Variants in ZC3H7A observed in about 807,000 individuals in gnomAD.
ZC3H7A encodes the protein zinc finger CCCH domain-containing protein 7A.
ZC3H7A carries 44 observed loss-of-function variants against 125.5 expected under a neutral mutation model. The observed-to-expected ratio is 0.35, with a 90% CI of 0.28 to 0.45. The LOEUF is 0.45. Among genes scored for constraint, ZC3H7A ranks in the 20% least tolerant of loss-of-function variants. The probability of loss-of-function intolerance (pLI) is 1.00; values close to 1 mark genes in which losing one functional copy is unlikely to be tolerated. For missense variants in ZC3H7A, 977 were observed against 1,170.7 expected (o/e 0.83, Z 2.41); for synonymous variants, 399 against 391.2 (o/e 1.02, Z -0.23).
intron 1 of ZC3H7A, among the ~76,000 whole-genome samples, chr16:11,795,954 T>A (rs1046038330): frequency 4.6e-5 from 7 of 151,928 alleles, no homozygotes; most frequent in Admixed American, 3.9e-4. Flanking sequence ...CACCTCAGCT[T>A]CCCGAGTAGC....
rs2052548816 is a variant in ZC3H7A, at chr16:11,751,260, A to G, written c.*57T>C. On this transcript the variant is annotated 3_prime_UTR_variant, in exon 23 of 23. Coordinates refer to ENST00000355758, the MANE Select transcript of ZC3H7A (RefSeq NM_014153.4). ...GCTCCTCTGCTATGTGCCTCAGAAC[A>G]CTTTCAATTTTTCTGGTCAATGCTC... is the stretch of plus-strand genomic sequence containing the variant. The G allele has an allele frequency of 2.0e-6, 3 of 1,522,592 alleles. No individual in the cohort carries two copies. Among genetic ancestry groups the G allele is most frequent in the Non-Finnish European group, 2.7e-6 (3 of 1,128,624 alleles). 94.3% of individuals were successfully genotyped at this position (1,522,592 alleles called of 1,614,324 possible).
In ZC3H7A at chr16:11,751,453, T is replaced by A; in HGVS notation, c.2780A>T (p.Asn927Ile). 1 of 1,614,210 alleles carries A rather than the reference T, an allele frequency of 6.2e-7. No individual in the cohort carries two copies. Among genetic ancestry groups the A allele is most frequent in the Non-Finnish European group, 8.5e-7 (1 of 1,180,034 alleles). Residue 927 changes from asparagine (N) to isoleucine (I), a missense_variant, in exon 23 of 23, where the codon AAT (asparagine) becomes ATT (isoleucine). Coordinates refer to ENST00000355758, the MANE Select transcript of ZC3H7A (RefSeq NM_014153.4). ...EGNSCKFAHG[N>I]AELHEWEERR... ...TTCTTCCCATTCATGAAGTTCGGCA[T>A]TTCCATGTGCAAATTTACAGCTGTT...
chr16:11,751,897 A>T (rs2052558215), intron 22 of ZC3H7A, among the ~76,000 whole-genome samples: 1 of 150,218 alleles, frequency 6.7e-6, no homozygotes, highest in African/African-American at 2.4e-5. Context: ...TTTTTCACTG[A>T]AAAACCTTTT....
intron 1 of ZC3H7A, among the ~76,000 whole-genome samples, chr16:11,787,749 C>A (rs1181558953): frequency 6.6e-6 from 1 of 152,082 alleles, no homozygotes; most frequent in Non-Finnish European, 1.5e-5. Flanking sequence ...AGTTCGAGAC[C>A]AGCCTGGCCA....
rs2053457577 is a variant in ZC3H7A at position 11,797,206 on chromosome 16, G to A, written c.-117C>T. 2 of 155,170 alleles carry A rather than the reference G, an allele frequency of 1.3e-5. No homozygotes were observed. The highest frequency in any genetic ancestry group is 2.4e-5 in the African/African-American group (1 of 41,122). 9.6% of individuals were successfully genotyped at this position (155,170 alleles called of 1,614,324 possible). On this transcript the variant is annotated 5_prime_UTR_variant, in exon 1 of 23. Coordinates refer to ENST00000355758, the MANE Select transcript of ZC3H7A (RefSeq NM_014153.4). ...GCGGGCAGCGGTGGCGGCGGCGGCG[G>A]CGGGGCCTGGGTGCTCGCTCGCAGC...
rs879768229 is a variant in ZC3H7A, at chr16:11,751,052, C to T, written c.*265G>A. The stretch of plus-strand genomic sequence containing the variant: ...GTCCTAGATATAACCTTATCCTCTT[C>T]CCCAACACACTTCATCCAAAAGTCT... On this transcript the variant is annotated 3_prime_UTR_variant, in exon 23 of 23. Transcript: ENST00000355758. The T allele has an allele frequency of 2.3e-5, 8 of 346,720 alleles. No homozygotes were observed. The highest frequency in any genetic ancestry group is 4.2e-5 in the African/African-American group (2 of 47,562). The allele number at this position is 346,720 out of a possible 1,614,324, so 21.5% of individuals were successfully genotyped here.
intron 12 of ZC3H7A, 139 bp downstream of exon 12, chr16:11,768,176 C>G: frequency 1.2e-6 from 1 of 827,668 alleles, no homozygotes; most frequent in Admixed American, 3.6e-5. Flanking sequence ...GTAACTGCTA[C>G]TTGTTTAGGA....
intron 10 of ZC3H7A, among the ~76,000 whole-genome samples, chr16:11,769,709 T>TAAAAAAA (rs2052937703): frequency 8.6e-5 from 1 of 11,632 alleles, no homozygotes; most frequent in Non-Finnish European, 1.2e-4. Flanking sequence ...AGACTCTGTC[T>TAAAAAAA]CAAAAAAAAA....
At chr16:11,784,003 G>A (rs900402659) in intron 1 of ZC3H7A, among the ~76,000 whole-genome samples, 1 of 151,886 alleles carries the variant, frequency 6.6e-6, no homozygotes, top group African/African-American at 2.4e-5. Flanking sequence ...GTGAGGTGGG[G>A]AGGAAACAGC....
Position 11,765,532 on chromosome 16 carries a change from T to C in ZC3H7A, c.1676A>G (p.Lys559Arg), listed in dbSNP as rs778831246. 1.4e-5 allele frequency: 23 copies of C among 1,613,884 alleles called. No homozygotes were observed. The highest frequency in any genetic ancestry group is 1.9e-5 in the Non-Finnish European group (22 of 1,179,962). The change falls in exon 14 of 23, where the codon AAA becomes AGA. Residue 559 changes from lysine to arginine, a missense_variant. By Grantham distance (26) the Lys-to-Arg change is conservative (BLOSUM62 2). This residue lies in a region of ZC3H7A where 436 missense variants were observed against 603.2 expected (regional missense o/e 0.72). Transcript: ENST00000355758. The surrounding 1 kb of genome is among the most constrained non-coding windows in gnomAD (Gnocchi z 4.8). ...TTCCCCAAGATGCTCCTGGAGAAGT[T>C]TGAACACAGTAAGGTTAATCTTTCC... ...GNGKINLTVF[K>R]LLQEHLGEFI... is the part of the protein sequence containing the mutation.
At chr16:11,787,556 G>T (rs1245002297) in intron 1 of ZC3H7A, among the ~76,000 whole-genome samples, 1 of 152,050 alleles carries the variant, frequency 6.6e-6, no homozygotes, top group East Asian at 1.9e-4. Flanking sequence ...TAAACTTCCG[G>T]TCTCAAGCGA....
chr16:11,752,015 C>A (rs532921114), intron 22 of ZC3H7A, among the ~76,000 whole-genome samples: 1 of 150,242 alleles, frequency 6.7e-6, no homozygotes, highest in East Asian at 2.0e-4. Flanking sequence ...AAGTGATTGT[C>A]CTGCCTCAGC....
chr16:11,758,994 T>C (rs1328842192), intron 19 of ZC3H7A: 1 of 159,378 alleles, frequency 6.3e-6, no homozygotes, highest in African/African-American at 2.4e-5. Flanking sequence ...AACTTACTTA[T>C]AACCAGTACT....
Position 11,761,446 on chromosome 16 carries a change from C to T in ZC3H7A, c.2279G>A (p.Arg760His), listed in dbSNP as rs761318506. The change falls in exon 19 of 23, where the codon CGT becomes CAT. Residue 760 changes from arginine to histidine, a missense_variant. Physicochemically the swap from Arg to His is conservative, Grantham distance 29 (BLOSUM62 0). Around this residue, in one of 3 missense-constraint regions of ZC3H7A, gnomAD observed 436 missense variants for 603.2 expected, o/e 0.72. Transcript: ENST00000355758. ...SIERKKWMNI[R>H]PLPTKKQMPL... ...CATTTGTTTCTTTGTGGGGAGAGGACGGATGTTCATCCACTTCTTACGTTC... is the reference window on the plus strand; with the variant it reads ...CATTTGTTTCTTTGTGGGGAGAGGATGGATGTTCATCCACTTCTTACGTTC... 1.2e-6 allele frequency: 2 copies of T among 1,614,084 alleles called. No homozygotes were observed. Among genetic ancestry groups the T allele is most frequent in the Non-Finnish European group, 1.7e-6 (2 of 1,179,990 alleles).
chr16:11,797,061 G>C (rs1335393549), intron 1 of ZC3H7A, 63 bp downstream of exon 1: 6 of 144,756 alleles, frequency 4.1e-5, no homozygotes, highest in Non-Finnish European at 7.6e-5. Flanking sequence ...GGCGCGCGCG[G>C]GGGGGGCGGG....
At chr16:11,766,088 C>T (rs1022701991) in intron 13 of ZC3H7A, among the ~76,000 whole-genome samples, 1 of 149,952 alleles carries the variant, frequency 6.7e-6, no homozygotes, top group Non-Finnish European at 1.5e-5. Flanking sequence ...TCATGGACCA[C>T]ACCTCAGCTG....
Position 11,752,755 on chromosome 16 carries a change from C to T in ZC3H7A, c.2640G>A (p.Lys880=). ...KQWQGHISSE[K]HKEKVFHTED... Reference sequence around the variant, plus strand: ...CGGTGTGGAAAACCTTCTCTTTGTGCTTCTCGGAGGAGATGTGGCCCTGCC... The same window carrying T: ...CGGTGTGGAAAACCTTCTCTTTGTGTTTCTCGGAGGAGATGTGGCCCTGCC... The change falls in exon 22 of 23, where the codon AAG becomes AAA. Residue 880 remains lysine, a synonymous_variant. Coordinates refer to ENST00000355758, the MANE Select transcript of ZC3H7A (RefSeq NM_014153.4). 1 of 1,614,174 alleles carries T rather than the reference C, an allele frequency of 6.2e-7. No individual in the cohort carries two copies. Among genetic ancestry groups the T allele is most frequent in the Non-Finnish European group, 8.5e-7 (1 of 1,180,022 alleles).
chr16:11,756,032 G>A lies in ZC3H7A; in HGVS notation c.2562+205C>T, dbSNP rs527725570. 3.3e-5 allele frequency among the ~76,000 whole-genome samples: 5 copies of A among 152,202 alleles called. No individual in the cohort carries two copies. In the East Asian group the frequency reaches 7.7e-4, roughly 24 times the overall value. ...ACAAAAATTAGCTGGGCGTGGTGGC[G>A]CGAGCCTATAATCCCAGCTACTTGG... On this transcript the variant is annotated intron_variant, in intron 21 of 22. Coordinates refer to ENST00000355758, the MANE Select transcript of ZC3H7A (RefSeq NM_014153.4).
At chr16:11,791,550 G>C (rs1294118531) in intron 1 of ZC3H7A, among the ~76,000 whole-genome samples, 2 of 152,182 alleles carry the variant, frequency 1.3e-5, no homozygotes, top group African/African-American at 4.8e-5. Context: ...TCTGGGTCCA[G>C]CTCAACAAAT....
Sources: allele counts gnomAD v4.1 joint callset (sites outside exome capture counted in the v4.1 genomes callset), GRCh38; gene constraint gnomAD v4.1.1; regional missense constraint gnomAD v4.1.1; non-coding constraint Gnocchi (gnomAD v3.1); transcripts MANE v1.5; gene names NCBI Gene and HGNC (gene_info 2026-07-23, HGNC 2026-07-21).